The following AGMO variants were observed in gnomAD, a reference collection of about 807,000 sequenced individuals.
AGMO encodes the protein glyceryl-ether monooxygenase.
A neutral mutation model predicts 60.2 loss-of-function variants in AGMO; 75 were observed. The ratio of observed to expected loss-of-function variants is 1.25; its 90% CI spans 1.03 to 1.51. AGMO has a LOEUF of 1.51. AGMO is among the 40% of genes most tolerant of loss of function. AGMO has a pLI of 0.00. For synonymous variants in AGMO, 261 were observed against 177.1 expected, an observed-to-expected ratio of 1.47 and a Z score of -3.76; for missense variants, 763 against 525.5, an observed-to-expected ratio of 1.45 and a Z score of -4.42.
intron 3 of AGMO, among the ~76,000 whole-genome samples, chr7:15,454,779 A>G (rs1385964348): frequency 6.6e-6 from 1 of 152,164 alleles, no homozygotes; most frequent in African/African-American, 2.4e-5. Flanking sequence ...CATGCCTTAA[A>G]TATTTTACAT....
At position 15,480,611 on chromosome 7, in the gene AGMO, C is replaced by T. The variant is rs1270672888; in HGVS notation, c.410-49503G>A. Among the ~76,000 whole-genome samples the T allele has an allele frequency of 1.3e-5, 2 of 152,136 alleles. 1 individual carries two copies. Among genetic ancestry groups the T allele is most frequent in the Non-Finnish European group, 2.9e-5 (2 of 68,014 alleles). ...TTCTGGCTACATACCAATTCAAACA[C>T]TTCACAAAATAGCTGAACTATTTTG... is the stretch of plus-strand genomic sequence containing the variant. On this transcript the variant is annotated intron_variant, in intron 3 of 12. Transcript: ENST00000342526.
chr7:15,390,108 A>G (rs1784077213), intron 8 of AGMO, among the ~76,000 whole-genome samples: 1 of 152,144 alleles, frequency 6.6e-6, no homozygotes. Flanking sequence ...CTTCACAGAC[A>G]TTCCTGATTT....
At chr7:15,391,805 T>A (rs1230060764) in intron 6 of AGMO, among the ~76,000 whole-genome samples, 1 of 152,142 alleles carries the variant, frequency 6.6e-6, no homozygotes, top group Non-Finnish European at 1.5e-5. Flanking sequence ...TTTGGCAATT[T>A]CTGGAGACAT....
chr7:15,473,303 G>C (rs879172335), intron 3 of AGMO, among the ~76,000 whole-genome samples: 1 of 151,734 alleles, frequency 6.6e-6, no homozygotes, highest in Non-Finnish European at 1.5e-5. Flanking sequence ...ATTCACAGCT[G>C]AATTCTACTA....
At chr7:15,347,206 G>T (rs1368032581) in intron 12 of AGMO, among the ~76,000 whole-genome samples, 1 of 151,856 alleles carries the variant, frequency 6.6e-6, no homozygotes, top group African/African-American at 2.4e-5. Flanking sequence ...TTGTATGCAC[G>T]TACAACCGTA....
At chr7:15,231,362 C>T (rs1782254444) in intron 12 of AGMO, among the ~76,000 whole-genome samples, 2 of 152,162 alleles carry the variant, frequency 1.3e-5, no homozygotes, top group Admixed American at 6.5e-5. Context: ...CTCTCACTTC[C>T]CCAGCAGTGA....
intron 8 of AGMO, among the ~76,000 whole-genome samples, chr7:15,388,288 T>C (rs1784005402): frequency 6.6e-6 from 1 of 152,136 alleles, no homozygotes; most frequent in Non-Finnish European, 1.5e-5. Context: ...GTGGGTTACT[T>C]ATATCCTACT....
At chr7:15,480,490 T>C (rs1459173539) in intron 3 of AGMO, among the ~76,000 whole-genome samples, 1 of 152,124 alleles carries the variant, frequency 6.6e-6, no homozygotes, top group Admixed American at 6.5e-5. Flanking sequence ...TGAAAGATTC[T>C]AGCACTTTCT....
At chr7:15,504,912 T>C (rs989954243) in intron 3 of AGMO, among the ~76,000 whole-genome samples, 3 of 151,978 alleles carry the variant, frequency 2.0e-5, no homozygotes, top group East Asian at 1.9e-4. Context: ...TTAATGTTCA[T>C]CTCTTTCAAA....
intron 12 of AGMO, among the ~76,000 whole-genome samples, chr7:15,273,099 T>C (rs574511823): frequency 6.6e-6 from 1 of 152,300 alleles, no homozygotes; most frequent in East Asian, 1.9e-4. Flanking sequence ...CTGATGGTGG[T>C]TTCTTTTGCT....
chr7:15,396,337 C>T (rs1000123733), intron 5 of AGMO: 3 of 152,158 alleles, frequency 2.0e-5, no homozygotes, highest in Non-Finnish European at 2.9e-5. Flanking sequence ...GTCTCGCTGG[C>T]TTCAGGAGTA....
chr7:15,183,766 C>G, the AGMO span, among the ~76,000 whole-genome samples: 1 of 152,126 alleles, frequency 6.6e-6, no homozygotes, highest in Middle Eastern at 3.2e-3. Flanking sequence ...TAAGGTCAAA[C>G]TGCAATTAGA....
chr7:15,131,855 T>G, the AGMO span, among the ~76,000 whole-genome samples: 1 of 151,514 alleles, frequency 6.6e-6, no homozygotes, highest in Non-Finnish European at 1.5e-5. Flanking sequence ...TAGAGCAAGC[T>G]GCCATGAGAA....
At chr7:15,254,674 C>G (rs146749323) in intron 12 of AGMO, among the ~76,000 whole-genome samples, 1 of 150,180 alleles carries the variant, frequency 6.7e-6, no homozygotes, top group African/African-American at 2.5e-5. Flanking sequence ...AACCAAAATA[C>G]GAAAGATCAA....
intron 12 of AGMO, chr7:15,306,171 G>A (rs1780605910): frequency 5.1e-6 from 1 of 195,432 alleles, no homozygotes. Flanking sequence ...ACATCACATT[G>A]TACTCATCTT....
intron 12 of AGMO, among the ~76,000 whole-genome samples, chr7:15,267,204 C>T (rs938077688): frequency 6.6e-6 from 1 of 151,888 alleles, no homozygotes; most frequent in African/African-American, 2.4e-5. Flanking sequence ...AACTAATCCT[C>T]ATTATTTTCT....
At chr7:15,479,031 G>A (rs1782675776) in intron 3 of AGMO, among the ~76,000 whole-genome samples, 1 of 152,082 alleles carries the variant, frequency 6.6e-6, no homozygotes, top group Admixed American at 6.6e-5. Context: ...AGGTGATACA[G>A]CTCTGACATT....
chr7:15,397,891 A>G (rs1784455144), intron 5 of AGMO, among the ~76,000 whole-genome samples: 1 of 152,216 alleles, frequency 6.6e-6, no homozygotes, highest in African/African-American at 2.4e-5. Flanking sequence ...GTACAGATAA[A>G]TAACCCTGTA....
intron 3 of AGMO, among the ~76,000 whole-genome samples, chr7:15,510,266 A>G: frequency 6.6e-6 from 1 of 152,100 alleles, no homozygotes; most frequent in East Asian, 1.9e-4. Context: ...CCGAGGCTCA[A>G]GTGATCCTCC....
Sources: gnomAD v4.1 joint callset for allele counts (sites outside exome capture counted in the v4.1 genomes callset) on GRCh38, gnomAD v4.1.1 for gene constraint, MANE v1.5 for transcripts, NCBI Gene and HGNC (gene_info 2026-07-23, HGNC 2026-07-21) for gene names.